The following GRID1 variants were observed in gnomAD, a reference collection of about 807,000 sequenced individuals.
The protein encoded by GRID1 is glutamate receptor ionotropic, delta-1.
A neutral mutation model predicts 98.0 loss-of-function variants in GRID1; 28 were observed. The observed-to-expected ratio is 0.29, with a 90% confidence interval of 0.21 to 0.39. GRID1 has a LOEUF of 0.39. GRID1 is among the 10% of genes least tolerant of loss of function. The pLI is 1.00. For missense variants in GRID1, 1,111 were observed against 1,340.5 expected, an observed-to-expected ratio of 0.83 and a Z score of 2.67; for synonymous variants, 553 against 538.5, an observed-to-expected ratio of 1.03 and a Z score of -0.37.
chr10:85,665,738 C>G (rs1375247520), intron 12 of GRID1, among the ~76,000 whole-genome samples: 2 of 152,142 alleles, frequency 1.3e-5, no homozygotes, highest in Admixed American at 1.3e-4. Flanking sequence ...TTTTTTCTCT[C>G]CCTTCGTGAT....
intron 5 of GRID1, among the ~76,000 whole-genome samples, chr10:85,874,613 C>T (rs922620855): frequency 7.9e-5 from 12 of 152,246 alleles, no homozygotes; most frequent in East Asian, 3.9e-4. Flanking sequence ...TCACCTGCTA[C>T]GGGTATCTTC....
intron 2 of GRID1, among the ~76,000 whole-genome samples, chr10:86,261,186 G>A (rs746382058): frequency 6.6e-6 from 1 of 152,240 alleles, no homozygotes; most frequent in African/African-American, 2.4e-5. Flanking sequence ...TGAGGAAACT[G>A]AGGCTTACAC....
intron 15 of GRID1, among the ~76,000 whole-genome samples, chr10:85,605,085 T>G (rs1245162543): frequency 6.6e-6 from 1 of 152,216 alleles, no homozygotes; most frequent in African/African-American, 2.4e-5. Context: ...AACTTTCTTT[T>G]CCACAGCCAT....
intron 11 of GRID1, among the ~76,000 whole-genome samples, chr10:85,724,003 C>T (rs1314734665): frequency 6.6e-6 from 1 of 152,028 alleles, no homozygotes; most frequent in Non-Finnish European, 1.5e-5. Flanking sequence ...TTTTTTTCCC[C>T]ATTAAGTCAT....
intron 4 of GRID1, among the ~76,000 whole-genome samples, chr10:86,028,357 G>A (rs936508708): frequency 2.0e-5 from 3 of 152,166 alleles, no homozygotes; most frequent in Non-Finnish European, 4.4e-5. Flanking sequence ...TCAAGGCTAT[G>A]GAATTAAGGT....
chr10:85,979,599 A>G (rs1564641056), intron 4 of GRID1, among the ~76,000 whole-genome samples: 1 of 152,232 alleles, frequency 6.6e-6, no homozygotes, highest in Non-Finnish European at 1.5e-5. Context: ...TTTCATAAGG[A>G]AATAGTCATA....
Position 85,602,292 on chromosome 10 carries a change from G to A in GRID1, c.3011C>T (p.Ser1004Phe), listed in dbSNP as rs774428355. The A allele has an allele frequency of 3.2e-5, 48 of 1,522,482 alleles. No homozygotes were observed. The highest frequency in any genetic ancestry group is 4.1e-5 in the Non-Finnish European group (46 of 1,135,380). 94.3% of individuals were successfully genotyped at this position (1,522,482 alleles called of 1,614,324 possible). Residue 1004 changes from serine to phenylalanine, a missense_variant, in exon 16 of 16, where the codon TCC becomes TTC. By Grantham distance (155) the Ser-to-Phe change is radical (BLOSUM62 -2). Coordinates refer to ENST00000327946, the MANE Select transcript of GRID1 (RefSeq NM_017551.3). ...GCGCAGTCAGATGGAGGTCCCGTGGGAGGTGTCCAGAGCCTCTGGAAGGAC... is the reference window on the plus strand; with the variant it reads ...GCGCAGTCAGATGGAGGTCCCGTGGAAGGTGTCCAGAGCCTCTGGAAGGAC... The part of the protein sequence containing the change: ...GGVLPEALDT[S>F]HGTSI
At chr10:86,088,310 TAG>T (rs748268064) in intron 4 of GRID1, among the ~76,000 whole-genome samples, 50 of 150,056 alleles carry the variant, frequency 3.3e-4, no homozygotes, top group Middle Eastern at 6.8e-3. Context: ...GGGAGAGGGA[TAG>T]AGAGAGAGAG....
chr10:85,946,156 G>C (rs1842051273), intron 4 of GRID1, among the ~76,000 whole-genome samples: 1 of 152,130 alleles, frequency 6.6e-6, no homozygotes, highest in African/African-American at 2.4e-5. Flanking sequence ...TTTGCCAAAA[G>C]ATCACCAGTG....
chr10:86,094,473 A>G (rs899442280), intron 4 of GRID1, among the ~76,000 whole-genome samples: 1 of 152,232 alleles, frequency 6.6e-6, no homozygotes, highest in Non-Finnish European at 1.5e-5. Context: ...GAAAGCTCCT[A>G]GAACTGATAA....
chr10:85,864,142 A>C (rs1459903188), intron 6 of GRID1, among the ~76,000 whole-genome samples: 1 of 152,228 alleles, frequency 6.6e-6, no homozygotes, highest in Non-Finnish European at 1.5e-5. Context: ...ATCCTCAGAC[A>C]GGTTGTGGTT....
intron 5 of GRID1, among the ~76,000 whole-genome samples, chr10:85,890,493 A>G (rs763812260): frequency 6.6e-6 from 1 of 152,214 alleles, no homozygotes; most frequent in Non-Finnish European, 1.5e-5. Flanking sequence ...ACTCAGATCT[A>G]AAATTCATAA....
At chr10:85,984,229 G>GC (rs962247810) in intron 4 of GRID1, among the ~76,000 whole-genome samples, 5 of 152,080 alleles carry the variant, frequency 3.3e-5, no homozygotes, top group African/African-American at 1.2e-4. Flanking sequence ...GTGCCCCTGA[G>GC]CCCCCAATCT....
intron 2 of GRID1, among the ~76,000 whole-genome samples, chr10:86,222,002 G>A (rs1846262238): frequency 1.3e-5 from 2 of 152,148 alleles, no homozygotes; most frequent in Non-Finnish European, 2.9e-5. Context: ...ACAGGGGACA[G>A]AGCCAGCTAA....
intron 2 of GRID1, among the ~76,000 whole-genome samples, chr10:86,334,775 A>G (rs1848200465): frequency 6.6e-6 from 1 of 152,204 alleles, no homozygotes; most frequent in Non-Finnish European, 1.5e-5. Flanking sequence ...ATAATGGACC[A>G]TGGTTGGGAG....
intron 12 of GRID1, among the ~76,000 whole-genome samples, chr10:85,717,218 A>G (rs146778942): frequency 1.3e-3 from 199 of 152,350 alleles, no homozygotes; most frequent in African/African-American, 4.5e-3. Context: ...GGTATATTCA[A>G]TGGAAGAAGA....
chr10:85,743,114 C>CCCCCG (rs746066592), intron 8 of GRID1, among the ~76,000 whole-genome samples: 13 of 134,486 alleles, frequency 9.7e-5, no homozygotes, highest in East Asian at 7.6e-4. Context: ...AGCCCCCCCC[C>CCCCCG]CCACCACCCA....
At chr10:86,204,721 T>C (rs1371507841) in intron 3 of GRID1, among the ~76,000 whole-genome samples, 1 of 152,118 alleles carries the variant, frequency 6.6e-6, no homozygotes, top group African/African-American at 2.4e-5. Context: ...AGGGGAAAAC[T>C]GTGTCTGCAG....
intron 8 of GRID1, among the ~76,000 whole-genome samples, chr10:85,761,810 C>T (rs924571459): frequency 6.6e-6 from 1 of 152,128 alleles, no homozygotes; most frequent in Non-Finnish European, 1.5e-5. Flanking sequence ...ATGCTCCCCC[C>T]ACACCCCCCA....
Sources: allele counts gnomAD v4.1 joint callset (sites outside exome capture counted in the v4.1 genomes callset), GRCh38; gene constraint gnomAD v4.1.1; transcripts MANE v1.5; gene names NCBI Gene and HGNC (gene_info 2026-07-23, HGNC 2026-07-21).